Variants in DNA2 observed in about 807,000 individuals in gnomAD.
DNA2 encodes the protein DNA replication ATP-dependent helicase/nuclease DNA2.
Under a neutral mutation model 119.1 loss-of-function variants are expected in DNA2, and 101 were observed. The observed-to-expected ratio is 0.85, with a 90% CI of 0.72 to 1.00. The LOEUF (loss-of-function observed/expected upper bound fraction) is 1.00. DNA2 is among the 50% of genes least tolerant of loss of function. The probability of loss-of-function intolerance (pLI) is 0.00; values close to 1 mark genes in which losing one functional copy is unlikely to be tolerated. For synonymous variants in DNA2, 366 were observed against 424.4 expected, an observed-to-expected ratio of 0.86 and a Z score of 1.69; for missense variants, 1,121 against 1,255.5, an observed-to-expected ratio of 0.89 and a Z score of 1.62.
At chr10:68,435,328 C>A (rs1210463702) in intron 10 of DNA2, among the ~76,000 whole-genome samples, 2 of 152,024 alleles carry the variant, frequency 1.3e-5, no homozygotes, top group Non-Finnish European at 2.9e-5. Flanking sequence ...GGATTACAGG[C>A]GTGCACCACC....
Position 68,461,757 on chromosome 10 carries a change from G to A in DNA2, c.588-2522C>T, listed in dbSNP as rs147151914. Among the ~76,000 whole-genome samples, 868 of 150,946 alleles carry A rather than the reference G, an allele frequency of 5.8e-3. 6 individuals carry two copies. The highest frequency in any genetic ancestry group is 0.02 in the African/African-American group (825 of 41,126). On this transcript the variant is annotated intron_variant, in intron 4 of 20. Transcript: ENST00000358410. ...GCAAGATAATTGCTTGAACCCGGAA[G>A]GCGGAGGTTTCGGTGAGCTGAGATC...
chr10:68,471,880 C>G lies in DNA2; in HGVS notation c.-16G>C, dbSNP rs1353155764. The G allele has an allele frequency of 1.9e-6, 3 of 1,613,944 alleles. No individual in the cohort carries two copies. Among genetic ancestry groups the G allele is most frequent in the Non-Finnish European group, 1.7e-6 (2 of 1,179,822 alleles). On this transcript the variant is annotated 5_prime_UTR_variant, in exon 1 of 21. Coordinates refer to ENST00000358410, the MANE Select transcript of DNA2 (RefSeq NM_001080449.3). ...GCTGCTCCATCCTGGACGCGGGGAT[C>G]GCAAACTGTAGACAGAAAAGACAGC...
chr10:68,466,580 C>CTT (rs71977657), intron 3 of DNA2, among the ~76,000 whole-genome samples: 69 of 137,434 alleles, frequency 5.0e-4, no homozygotes, highest in African/African-American at 6.8e-4. Flanking sequence ...TAGCCTAGAC[C>CTT]TTTTTTTTTT....
At chr10:68,440,990 G>A (rs1387050243) in intron 9 of DNA2, among the ~76,000 whole-genome samples, 3 of 152,010 alleles carry the variant, frequency 2.0e-5, no homozygotes, top group Non-Finnish European at 4.4e-5. Context: ...AGACTATGCT[G>A]GGCAACATAG....
At position 68,419,212 on chromosome 10, in the gene DNA2, G is replaced by A; in HGVS notation, c.2789C>T (p.Ala930Val). 1.3e-6 allele frequency: 2 copies of A among 1,545,878 alleles called. No individual in the cohort carries two copies. Among genetic ancestry groups the A allele is most frequent in the Non-Finnish European group, 1.7e-6 (2 of 1,153,016 alleles). Reference sequence around the variant, plus strand: ...ACCAATATCAGAGGGACTGCATCCAGCCTAAATAGAAAAAGACACAATTTA... The same window carrying A: ...ACCAATATCAGAGGGACTGCATCCAACCTAAATAGAAAAAGACACAATTTA... ...IVFLTSIFVK[A>V]GCSPSDIGII... The change falls in exon 19 of 21, where the codon GCT (alanine) becomes GTT (valine). Residue 930 changes from alanine to valine, a missense_variant and splice_region_variant. Coordinates refer to ENST00000358410, the MANE Select transcript of DNA2 (RefSeq NM_001080449.3).
intron 14 of DNA2, among the ~76,000 whole-genome samples, chr10:68,425,938 C>T (rs2051735103): frequency 6.6e-6 from 1 of 151,296 alleles, no homozygotes; most frequent in African/African-American, 2.4e-5. Context: ...AGTTCAAGAC[C>T]AGCCTGGCCA....
At chr10:68,450,646 G>T (rs1311979906) in intron 5 of DNA2, among the ~76,000 whole-genome samples, 1 of 151,896 alleles carries the variant, frequency 6.6e-6, no homozygotes, top group Non-Finnish European at 1.5e-5. Context: ...CTTAACTCAG[G>T]CCCTTATTTT....
At chr10:68,469,688 C>T (rs1564899983) in intron 2 of DNA2, among the ~76,000 whole-genome samples, 2 of 152,052 alleles carry the variant, frequency 1.3e-5, no homozygotes, top group South Asian at 2.1e-4. Context: ...TGGTCTCAAA[C>T]TCCTGACCTG....
chr10:68,441,712 T>C (rs143856544), intron 9 of DNA2, among the ~76,000 whole-genome samples: 21 of 152,122 alleles, frequency 1.4e-4, no homozygotes, highest in African/African-American at 5.1e-4. Context: ...ACAGCAGAGA[T>C]TGCAGTGAGC....
intron 6 of DNA2, among the ~76,000 whole-genome samples, chr10:68,448,781 T>C (rs2052074310): frequency 1.4e-5 from 2 of 148,128 alleles, no homozygotes; most frequent in Non-Finnish European, 3.0e-5. Context: ...TGCTTTTATT[T>C]ATTTATTTAT....
intron 8 of DNA2, among the ~76,000 whole-genome samples, chr10:68,443,959 AG>A (rs1310614969): frequency 6.6e-6 from 1 of 151,934 alleles, no homozygotes; most frequent in Non-Finnish European, 1.5e-5. Context: ...TCAAAAAAAA[AG>A]AAAAAAAGTA....
At chr10:68,446,542 G>A (rs886647472) in intron 6 of DNA2, 129 bp from the exon 7 acceptor site, 15 of 633,412 alleles carry the variant, frequency 2.4e-5, no homozygotes, top group Admixed American at 3.0e-5. Flanking sequence ...TAAGTAACAT[G>A]AGCCAAATTG....
intron 14 of DNA2, among the ~76,000 whole-genome samples, chr10:68,423,711 T>A (rs779302104): frequency 6.6e-6 from 1 of 152,192 alleles, no homozygotes; most frequent in Non-Finnish European, 1.5e-5. Context: ...TCATCCCCGA[T>A]GACTGGTAAC....
rs2051990793 is a variant in DNA2, at chr10:68,442,996, G to A, written c.1336C>T (p.Leu446=). Residue 446 remains leucine, a synonymous_variant, in exon 9 of 21, where the codon CTA becomes TTA. Transcript: ENST00000358410. ...GATTGTGACTCCAGGGTTAACATTAGACACCAAAGGCTGAAATATTCTAAG... is the reference window on the plus strand; with the variant it reads ...GATTGTGACTCCAGGGTTAACATTAAACACCAAAGGCTGAAATATTCTAAG... ...THLEYFSLWC[L]MLTLESQSKD... is the part of the protein sequence containing the mutation. 1 of 1,612,206 alleles carries A rather than the reference G, an allele frequency of 6.2e-7. No individual in the cohort carries two copies. Among genetic ancestry groups the A allele is most frequent in the Admixed American group, 1.7e-5 (1 of 59,652 alleles).
rs2051898318 is a variant in DNA2 at position 68,437,070 on chromosome 10, A to T, written c.1587T>A (p.Ala529=). The change falls in exon 10 of 21, where the codon GCT becomes GCA. Residue 529 remains alanine (A), a synonymous_variant. Coordinates refer to ENST00000358410, the MANE Select transcript of DNA2 (RefSeq NM_001080449.3). Reference sequence around the variant, plus strand: ...TCTCCTTCACATATCCTCTAGACAAAGCAAACAGTGACCTTTCTTCTCCAC... The same window carrying T: ...TCTCCTTCACATATCCTCTAGACAATGCAAACAGTGACCTTTCTTCTCCAC... ...IVSGEERSLF[A]LSRGYVKEIN... 1.2e-6 allele frequency: 2 copies of T among 1,613,972 alleles called. No individual in the cohort carries two copies. Among genetic ancestry groups the T allele is most frequent in the South Asian group, 2.2e-5 (2 of 91,086 alleles).
At chr10:68,430,247 A>T (rs965914385) in intron 14 of DNA2, among the ~76,000 whole-genome samples, 189 bp downstream of exon 14, 1 of 152,140 alleles carries the variant, frequency 6.6e-6, no homozygotes, top group Non-Finnish European at 1.5e-5. Flanking sequence ...CTAAATAATA[A>T]ACCCAAAACC....
chr10:68,457,695 A>G lies in DNA2; in HGVS notation c.719+1409T>C, dbSNP rs141222535. ...ATATTTGCTAAATGAATAACAGAAAAAAACATATTTCCCCTATAAAATTAT... is the reference window on the plus strand; with the variant it reads ...ATATTTGCTAAATGAATAACAGAAAGAAACATATTTCCCCTATAAAATTAT... On this transcript the variant is annotated intron_variant, in intron 5 of 20. Transcript: ENST00000358410. Among the ~76,000 whole-genome samples, 799 of 152,226 alleles carry G rather than the reference A, an allele frequency of 5.2e-3. 25 individuals carry two copies. In the South Asian group the frequency reaches 0.055, roughly 10 times the overall value.
chr10:68,443,919 C>A (rs1435431023), intron 8 of DNA2, among the ~76,000 whole-genome samples: 1 of 151,586 alleles, frequency 6.6e-6, no homozygotes, highest in Admixed American at 6.6e-5. Context: ...CCACTGCACT[C>A]CAGCCCAGGC....
chr10:68,460,548 T>C (rs999559084), intron 4 of DNA2, among the ~76,000 whole-genome samples: 2 of 151,042 alleles, frequency 1.3e-5, no homozygotes, highest in South Asian at 2.1e-4. Flanking sequence ...GCTGGAACCA[T>C]AGACATATGA....
Sources: gnomAD v4.1 joint callset for allele counts (sites outside exome capture counted in the v4.1 genomes callset) on GRCh38, gnomAD v4.1.1 for gene constraint, MANE v1.5 for transcripts, NCBI Gene and HGNC (gene_info 2026-07-23, HGNC 2026-07-21) for gene names.